JAM3: variants seen among roughly 807,000 people sequenced by gnomAD.
The protein encoded by JAM3 is junctional adhesion molecule C.
JAM3 carries 31 observed loss-of-function variants against 39.4 expected under a neutral mutation model. The observed-to-expected ratio is 0.79, with a 90% CI of 0.59 to 1.06. JAM3 has a LOEUF of 1.06. Ranked by LOEUF, JAM3 falls within the 50% of genes least tolerant of loss-of-function variation. JAM3 has a pLI of 0.00. For synonymous variants in JAM3, 182 were observed against 148.7 expected, an observed-to-expected ratio of 1.22 and a Z score of -1.63; for missense variants, 455 against 391.4, an observed-to-expected ratio of 1.16 and a Z score of -1.37.
chr11:134,120,901 T>C (rs1942518683), intron 1 of JAM3, among the ~76,000 whole-genome samples: 1 of 152,226 alleles, frequency 6.6e-6, no homozygotes, highest in African/African-American at 2.4e-5. Context: ...TGTTAGTTCT[T>C]TTTGCCTGAA....
chr11:134,070,021 A>C (rs956712792), intron 1 of JAM3, among the ~76,000 whole-genome samples: 1 of 152,174 alleles, frequency 6.6e-6, no homozygotes, highest in Non-Finnish European at 1.5e-5. Context: ...TGGAATTCTC[A>C]TTAGATCCAC....
intron 1 of JAM3, among the ~76,000 whole-genome samples, chr11:134,076,679 G>A (rs1193283431): frequency 6.6e-6 from 1 of 151,892 alleles, no homozygotes; most frequent in Non-Finnish European, 1.5e-5. Flanking sequence ...CTATTGGTGT[G>A]CACCACCACA....
chr11:134,080,728 G>C (rs1198808135), intron 1 of JAM3, among the ~76,000 whole-genome samples: 1 of 152,118 alleles, frequency 6.6e-6, no homozygotes, highest in African/African-American at 2.4e-5. Context: ...TAGATTAAAA[G>C]AGTAAACTGG....
chr11:134,113,933 C>T (rs1942369714), intron 1 of JAM3, among the ~76,000 whole-genome samples: 1 of 152,204 alleles, frequency 6.6e-6, no homozygotes, highest in African/African-American at 2.4e-5. Context: ...GTGCATTTGT[C>T]TGATGGCCAG....
rs547274509 is a variant in JAM3 at position 134,098,296 on chromosome 11, C to T, written c.76+29137C>T. Among the ~76,000 whole-genome samples the T allele has an allele frequency of 1.3e-4, 20 of 152,214 alleles. No individual in the cohort carries two copies. The South Asian group carries it at 2.7e-3, about 21-fold the overall frequency. ...AAAAGTTCAACTTCAGAGAGGAAAA[C>T]TAAGAGCAATGCCAAATTAACTGAA... On this transcript the variant is annotated intron_variant, in intron 1 of 8. Transcript: ENST00000299106.
intron 1 of JAM3, among the ~76,000 whole-genome samples, chr11:134,086,664 T>G (rs1391496687): frequency 1.3e-5 from 2 of 152,164 alleles, no homozygotes; most frequent in Non-Finnish European, 2.9e-5. Context: ...AATAAACAGC[T>G]TATTAAATAA....
At chr11:134,080,475 G>A (rs962864264) in intron 1 of JAM3, among the ~76,000 whole-genome samples, 3 of 152,164 alleles carry the variant, frequency 2.0e-5, no homozygotes, top group Non-Finnish European at 2.9e-5. Flanking sequence ...TGAATCATGG[G>A]GTGGGTCTTT....
chr11:134,088,778 A>G (rs1323317694), intron 1 of JAM3, among the ~76,000 whole-genome samples: 1 of 152,098 alleles, frequency 6.6e-6, no homozygotes, highest in Non-Finnish European at 1.5e-5. Context: ...TATGGTTTAT[A>G]TATATCACAT....
chr11:134,145,855 G>A (rs916795538), intron 5 of JAM3, 91 bp from the exon 6 acceptor site: 10 of 834,032 alleles, frequency 1.2e-5, no homozygotes, highest in Middle Eastern at 2.7e-4. Flanking sequence ...AAGCGAGCAG[G>A]TGTCGACCTA....
chr11:134,089,294 C>G (rs373613207), intron 1 of JAM3, among the ~76,000 whole-genome samples: 24 of 152,206 alleles, frequency 1.6e-4, no homozygotes, highest in Admixed American at 1.6e-3. Flanking sequence ...GTTTCATTAT[C>G]ATATCCTAGG....
chr11:134,108,072 C>T (rs1042563426), intron 1 of JAM3, among the ~76,000 whole-genome samples: 17 of 151,542 alleles, frequency 1.1e-4, no homozygotes, highest in African/African-American at 4.1e-4. Flanking sequence ...TAATTGGGAA[C>T]AATAGAGAAA....
Position 134,108,612 on chromosome 11 carries a change from G to A in JAM3, c.77-31239G>A, listed in dbSNP as rs116541170. Among the ~76,000 whole-genome samples the A allele has an allele frequency of 4.6e-3, 703 of 152,292 alleles. 2 individuals are homozygous for A. Among genetic ancestry groups the A allele is most frequent in the African/African-American group, 0.015 (636 of 41,570 alleles). On this transcript the variant is annotated intron_variant, in intron 1 of 8. Transcript: ENST00000299106. ...AAGAAAACAAAAACAAAAACCAACCGAGGTTTATCCCAGGAATGCAAGGTT... is the reference window on the plus strand; with the variant it reads ...AAGAAAACAAAAACAAAAACCAACCAAGGTTTATCCCAGGAATGCAAGGTT...
In JAM3 at chr11:134,108,360, G is replaced by GA. The variant is rs565107457; in HGVS notation, c.77-31483dup. Among the ~76,000 whole-genome samples the GA allele has an allele frequency of 1.0e-4, 15 of 150,442 alleles. No homozygotes were observed. The South Asian group carries it at 1.5e-3, about 15-fold the overall frequency. ...CTGGTGAATTCTACCAAACATTTAAGAAAAAAAAGACACCAATTCTAACGA... is the reference window on the plus strand; with the variant it reads ...CTGGTGAATTCTACCAAACATTTAAGAAAAAAAAAGACACCAATTCTAACGA... On this transcript the variant is annotated intron_variant, in intron 1 of 8. Coordinates refer to ENST00000299106, the MANE Select transcript of JAM3 (RefSeq NM_032801.5).
chr11:134,149,770 G>T lies in JAM3; in HGVS notation c.*589G>T. 4.6e-6 allele frequency: 2 copies of T among 434,592 alleles called. No homozygotes were observed. The highest frequency in any genetic ancestry group is 3.2e-5 in the South Asian group (2 of 61,700). 26.9% of individuals were successfully genotyped at this position (434,592 alleles called of 1,614,324 possible). ...ATTTTGTAAAAACAACCAAAATCAG[G>T]AAGGTAAATTGGTTGCTGGAAGAGG... On this transcript the variant is annotated 3_prime_UTR_variant, in exon 9 of 9. Coordinates refer to ENST00000299106, the MANE Select transcript of JAM3 (RefSeq NM_032801.5).
In JAM3 at chr11:134,110,559, A is replaced by G. The variant is rs146763238; in HGVS notation, c.77-29292A>G. On this transcript the variant is annotated intron_variant, in intron 1 of 8. Transcript: ENST00000299106. ...GCCAGACAAGAAGAGTACATATGGT[A>G]TGATTCCATTTATTTAAAATTCTAG... 4.7e-4 allele frequency among the ~76,000 whole-genome samples: 72 copies of G among 152,364 alleles called. 1 individual carries two copies. The highest frequency in any genetic ancestry group is 1.6e-3 in the African/African-American group (67 of 41,598).
At chr11:134,081,811 A>G (rs1236802957) in intron 1 of JAM3, among the ~76,000 whole-genome samples, 1 of 152,208 alleles carries the variant, frequency 6.6e-6, no homozygotes, top group Non-Finnish European at 1.5e-5. Flanking sequence ...ATCCACTGAC[A>G]GCTTGCACTG....
intron 5 of JAM3, 36 bp from the exon 6 acceptor site, chr11:134,145,910 T>G (rs780634235): frequency 6.9e-7 from 1 of 1,443,278 alleles, no homozygotes; most frequent in Non-Finnish European, 9.8e-7. Flanking sequence ...GGCCCCATGA[T>G]GGGTCCGATT....
chr11:134,141,457 G>A lies in JAM3; in HGVS notation c.256+687G>A, dbSNP rs73042012. ...CATGGACAGGGAGAGAGGGAGGAGA[G>A]GGGGGAGAGGGGCTGGAGAGGTTGC... On this transcript the variant is annotated intron_variant, in intron 3 of 8. Transcript: ENST00000299106. 2.0e-3 allele frequency among the ~76,000 whole-genome samples: 310 copies of A among 152,100 alleles called. 2 individuals are homozygous for A. Among genetic ancestry groups the A allele is most frequent in the Non-Finnish European group, 3.4e-3 (230 of 68,004 alleles).
In JAM3 at chr11:134,148,677, G is replaced by A; in HGVS notation, c.842+1G>A. On this transcript the variant is annotated splice_donor_variant, in intron 7 of 8. Transcript: ENST00000299106. LOFTEE classifies it high-confidence loss of function. ...TCAACAATAAACAGGATGGAGAAAGGTGAGCCTGCCTTATGTGAAAAAAGG... is the reference window on the plus strand; with the variant it reads ...TCAACAATAAACAGGATGGAGAAAGATGAGCCTGCCTTATGTGAAAAAAGG... 1 of 1,614,110 alleles carries A rather than the reference G, an allele frequency of 6.2e-7. No individual in the cohort carries two copies. Among genetic ancestry groups the A allele is most frequent in the Non-Finnish European group, 8.5e-7 (1 of 1,180,030 alleles).
Sources: allele counts gnomAD v4.1 joint callset (sites outside exome capture counted in the v4.1 genomes callset), GRCh38; gene constraint gnomAD v4.1.1; transcripts MANE v1.5; gene names NCBI Gene and HGNC (gene_info 2026-07-23, HGNC 2026-07-21).